Variants in CTDSPL observed in about 807,000 individuals in gnomAD.
The protein encoded by CTDSPL is CTD small phosphatase like.
In CTDSPL, 8 loss-of-function variants were observed where a neutral mutation model predicts 30.5. That is an observed-to-expected ratio of 0.26 (90% CI 0.15 to 0.47). The LOEUF is 0.47. Ranked by LOEUF, CTDSPL falls within the 20% of genes least tolerant of loss-of-function variation. The pLI is 0.99. For missense variants in CTDSPL, 248 were observed against 366.1 expected (o/e 0.68, Z 2.63); for synonymous variants, 110 against 137.9 (o/e 0.80, Z 1.42).
At chr3:37,955,717 A>G (rs532487659) in intron 2 of CTDSPL, among the ~76,000 whole-genome samples, 1 of 152,298 alleles carries the variant, frequency 6.6e-6, no homozygotes, top group African/African-American at 2.4e-5. Context: ...GAGGGTGAGG[A>G]TGAAAAGACT....
At position 37,975,051 on chromosome 3, in the gene CTDSPL, G is replaced by A. The variant is rs150442551; in HGVS notation, c.520-658G>A. On this transcript the variant is annotated intron_variant, in intron 6 of 7. Coordinates refer to ENST00000273179, the MANE Select transcript of CTDSPL (RefSeq NM_001008392.2). The surrounding 1 kb of genome is among the most constrained non-coding windows in gnomAD (Gnocchi z 4.9). ...AAACAACCCAGAAAGGAAGATAGAT[G>A]TGGCTCTAGGTGGATGGGAGAGGAA... Among the ~76,000 whole-genome samples, 6 of 152,324 alleles carry A rather than the reference G, an allele frequency of 3.9e-5. No homozygotes were observed. In the East Asian group the frequency reaches 1.2e-3, roughly 29 times the overall value.
chr3:37,943,651 C>T (rs1181133700), intron 1 of CTDSPL, among the ~76,000 whole-genome samples: 1 of 150,128 alleles, frequency 6.7e-6, no homozygotes, highest in Admixed American at 6.7e-5. Flanking sequence ...TCTTTAATAT[C>T]CTAAAAGACC....
chr3:37,865,003 A>T (rs1047158812), intron 1 of CTDSPL, among the ~76,000 whole-genome samples: 10 of 152,192 alleles, frequency 6.6e-5, no homozygotes, highest in African/African-American at 2.2e-4. Flanking sequence ...TGATTCCATA[A>T]ATCTTTCTTT....
chr3:37,900,195 G>C (rs1302664593), intron 1 of CTDSPL, among the ~76,000 whole-genome samples: 1 of 152,226 alleles, frequency 6.6e-6, no homozygotes, highest in African/African-American at 2.4e-5. Context: ...GCTTGAGTGT[G>C]AGCGGGGAGG....
At chr3:37,920,957 C>T (rs1698706180) in intron 1 of CTDSPL, among the ~76,000 whole-genome samples, 1 of 152,216 alleles carries the variant, frequency 6.6e-6, no homozygotes, top group Non-Finnish European at 1.5e-5. Context: ...GGGTCCAGCC[C>T]ATCCCAAGCC....
intron 1 of CTDSPL, among the ~76,000 whole-genome samples, chr3:37,908,037 T>C (rs1382199748): frequency 6.6e-6 from 1 of 152,320 alleles, no homozygotes; most frequent in Non-Finnish European, 1.5e-5. Flanking sequence ...ACAGTTCAGT[T>C]TGCATGGGCT....
chr3:37,895,016 C>T (rs956634108), intron 1 of CTDSPL, among the ~76,000 whole-genome samples: 2 of 152,064 alleles, frequency 1.3e-5, no homozygotes, highest in East Asian at 1.9e-4. Context: ...CTAATTGCAC[C>T]GTCTAGGTTA....
intron 1 of CTDSPL, among the ~76,000 whole-genome samples, chr3:37,925,491 AG>A (rs1698770927): frequency 6.6e-6 from 1 of 152,174 alleles, no homozygotes. Context: ...CTGCATTCAC[AG>A]GGCCTTGCCT....
rs145510652 is a variant in CTDSPL at position 37,972,626 on chromosome 3, T to G, written c.519+1127T>G. ...ATGGTTTCTTTGTCCTCTCCACTGT[T>G]TAAGGAAACTAGCAGGTTCCCAAGC... On this transcript the variant is annotated intron_variant, in intron 6 of 7. Coordinates refer to ENST00000273179, the MANE Select transcript of CTDSPL (RefSeq NM_001008392.2). Among the ~76,000 whole-genome samples, 1,042 of 152,334 alleles carry G rather than the reference T, an allele frequency of 6.8e-3. 15 individuals are homozygous for G. Among genetic ancestry groups the G allele is most frequent in the African/African-American group, 0.022 (921 of 41,576 alleles).
At chr3:37,977,485 G>C (rs1699441728) in intron 7 of CTDSPL, among the ~76,000 whole-genome samples, 1 of 152,020 alleles carries the variant, frequency 6.6e-6, no homozygotes, top group Non-Finnish European at 1.5e-5. Flanking sequence ...TTGTCCAGCT[G>C]CTGTCTTGTG....
intron 5 of CTDSPL, among the ~76,000 whole-genome samples, chr3:37,970,972 A>G (rs911278091): frequency 4.6e-5 from 7 of 152,058 alleles, no homozygotes; most frequent in Non-Finnish European, 8.8e-5. Flanking sequence ...GCAATCCCAG[A>G]CCTGCTGGGC....
intron 1 of CTDSPL, among the ~76,000 whole-genome samples, chr3:37,921,935 A>T (rs1227710257): frequency 1.3e-5 from 2 of 152,172 alleles, no homozygotes; most frequent in Non-Finnish European, 2.9e-5. Flanking sequence ...GACAGCCCCC[A>T]AAGAGTACCC....
chr3:37,902,312 T>TA (rs1224390453), intron 1 of CTDSPL, among the ~76,000 whole-genome samples: 9 of 152,176 alleles, frequency 5.9e-5, no homozygotes, highest in Non-Finnish European at 5.9e-5. Context: ...TATCTCCCTA[T>TA]TCTAGTCAGG....
rs373088094 is a variant in CTDSPL at position 37,866,319 on chromosome 3, T to TA, written c.79+4051dup. ...ATAAACAGTATGGTTCCTACCTTTG[T>TA]AAAAAAAAAATCACACATACACACA... is the stretch of plus-strand genomic sequence containing the variant. On this transcript the variant is annotated intron_variant, in intron 1 of 7. Coordinates refer to ENST00000273179, the MANE Select transcript of CTDSPL (RefSeq NM_001008392.2). Among the ~76,000 whole-genome samples the TA allele has an allele frequency of 8.1e-4, 121 of 149,556 alleles. No homozygotes were observed. The South Asian group carries it at 9.1e-3, about 11-fold the overall frequency.
chr3:37,958,443 AT>A (rs971034999), intron 3 of CTDSPL, among the ~76,000 whole-genome samples: 5 of 152,048 alleles, frequency 3.3e-5, no homozygotes, highest in African/African-American at 9.7e-5. Context: ...TTTTTGACAT[AT>A]TTTTTTCCTG....
At chr3:37,927,771 G>A (rs1391954784) in intron 1 of CTDSPL, among the ~76,000 whole-genome samples, 1 of 148,470 alleles carries the variant, frequency 6.7e-6, no homozygotes, top group Non-Finnish European at 1.5e-5. Flanking sequence ...ATTGTACATT[G>A]TTGTACAGCA....
intron 1 of CTDSPL, among the ~76,000 whole-genome samples, chr3:37,884,324 CT>C (rs1404414792): frequency 6.6e-6 from 1 of 152,134 alleles, no homozygotes; most frequent in African/African-American, 2.4e-5. Flanking sequence ...ACAGTGTAGG[CT>C]CTTCTGTGTT....
chr3:37,916,689 C>A (rs1041318641), intron 1 of CTDSPL, among the ~76,000 whole-genome samples: 2 of 152,174 alleles, frequency 1.3e-5, no homozygotes, highest in African/African-American at 4.8e-5. Context: ...CACTTCCAGC[C>A]TTCAGAATTG....
chr3:37,906,555 G>A (rs914532502), intron 1 of CTDSPL, among the ~76,000 whole-genome samples: 1 of 152,160 alleles, frequency 6.6e-6, no homozygotes, highest in African/African-American at 2.4e-5. Context: ...GCCCTTTGGA[G>A]CTCCTGTTTT....
Sources: allele counts gnomAD v4.1 joint callset (sites outside exome capture counted in the v4.1 genomes callset), GRCh38; gene constraint gnomAD v4.1.1; non-coding constraint Gnocchi (gnomAD v3.1); transcripts MANE v1.5; gene names NCBI Gene and HGNC (gene_info 2026-07-23, HGNC 2026-07-21).